DIPK1A: variants seen among roughly 807,000 people sequenced by gnomAD.
DIPK1A encodes family with sequence similarity 69 member A.
In DIPK1A, 27 loss-of-function variants were observed where a neutral mutation model predicts 40.8. The ratio of observed to expected loss-of-function variants is 0.66; its 90% CI spans 0.49 to 0.91. The LOEUF (loss-of-function observed/expected upper bound fraction) is 0.91, where lower values mean the gene tolerates loss of function less well. DIPK1A is among the 40% of genes least tolerant of loss of function. The pLI, the probability that DIPK1A is intolerant of heterozygous loss-of-function variation, is 0.00. For missense variants in DIPK1A, 412 were observed against 505.7 expected, an observed-to-expected ratio of 0.81 and a Z score of 1.78; for synonymous variants, 166 against 171.3, an observed-to-expected ratio of 0.97 and a Z score of 0.24.
At chr1:92,872,299 C>A (rs918664637) in intron 2 of DIPK1A, among the ~76,000 whole-genome samples, 3 of 151,848 alleles carry the variant, frequency 2.0e-5, no homozygotes, top group African/African-American at 7.3e-5. Flanking sequence ...CCAGGCTGGT[C>A]TCAAACTCCT....
chr1:92,861,893 C>T (rs148261520), intron 2 of DIPK1A, among the ~76,000 whole-genome samples: 1 of 152,250 alleles, frequency 6.6e-6, no homozygotes, highest in African/African-American at 2.4e-5. Flanking sequence ...GATCCTCCCA[C>T]CTCGGCCTCC....
intron 2 of DIPK1A, among the ~76,000 whole-genome samples, chr1:92,862,567 C>T (rs760761951): frequency 3.9e-5 from 6 of 152,176 alleles, no homozygotes; most frequent in Non-Finnish European, 7.3e-5. Flanking sequence ...ATTACAACTG[C>T]CATAAAACAG....
At position 92,922,257 on chromosome 1, in the gene DIPK1A, T is replaced by C. The variant is rs546363315; in HGVS notation, c.54+39119A>G. 6.6e-5 allele frequency among the ~76,000 whole-genome samples: 10 copies of C among 152,138 alleles called. No homozygotes were observed. In the East Asian group the frequency reaches 1.9e-3, roughly 29 times the overall value. On this transcript the variant is annotated intron_variant, in intron 1 of 4. Coordinates refer to ENST00000370310, the MANE Select transcript of DIPK1A (RefSeq NM_001006605.5). Reference sequence around the variant, plus strand: ...ATTTCAAAAGTAGAAGATTTGAAAATCACAACTTAGTAGTCATTTAATTTT... The same window carrying C: ...ATTTCAAAAGTAGAAGATTTGAAAACCACAACTTAGTAGTCATTTAATTTT...
At chr1:92,900,341 A>G (rs1557476694) in intron 1 of DIPK1A, among the ~76,000 whole-genome samples, 2 of 152,042 alleles carry the variant, frequency 1.3e-5, no homozygotes, top group Non-Finnish European at 2.9e-5. Context: ...GGTAATTTCA[A>G]ATGATCTGCC....
At chr1:92,867,609 G>A (rs1017677889) in intron 2 of DIPK1A, among the ~76,000 whole-genome samples, 7 of 152,110 alleles carry the variant, frequency 4.6e-5, no homozygotes, top group Admixed American at 1.3e-4. Context: ...AGGTTCAAGC[G>A]ATTCTCCTGC....
intron 1 of DIPK1A, among the ~76,000 whole-genome samples, chr1:92,959,504 T>C (rs1296359897): frequency 2.1e-5 from 3 of 144,988 alleles, no homozygotes; most frequent in African/African-American, 7.6e-5. Context: ...CAGGCTGGAA[T>C]GCAGTGGCAC....
intron 1 of DIPK1A, among the ~76,000 whole-genome samples, chr1:92,891,581 G>A (rs1648881922): frequency 6.6e-6 from 1 of 152,140 alleles, no homozygotes; most frequent in Non-Finnish European, 1.5e-5. Context: ...CCCAGCATGA[G>A]CGATGCAGAA....
intron 2 of DIPK1A, among the ~76,000 whole-genome samples, chr1:92,870,736 T>C (rs772646465): frequency 1.9e-4 from 29 of 152,154 alleles, no homozygotes; most frequent in Non-Finnish European, 4.1e-4. Context: ...CTCAGCTGAG[T>C]CCTTTAGGAC....
Position 92,832,888 on chromosome 1 carries a change from G to A in DIPK1A, c.*132C>T, listed in dbSNP as rs1179455251. 1.9e-5 allele frequency: 12 copies of A among 645,760 alleles called. No homozygotes were observed. In the Admixed American group the frequency reaches 2.3e-4, roughly 12 times the overall value. 40.0% of individuals were successfully genotyped at this position (645,760 alleles called of 1,614,324 possible). ...TTAGGCTTTTGAAAAACATAACATGGGAAGCGAGAGAGGTACGTAGTTGTT... is the reference window on the plus strand; with the variant it reads ...TTAGGCTTTTGAAAAACATAACATGAGAAGCGAGAGAGGTACGTAGTTGTT... On this transcript the variant is annotated 3_prime_UTR_variant, in exon 5 of 5. Coordinates refer to the DIPK1A transcript ENST00000615519.
At chr1:92,959,190 G>A (rs1436603180) in intron 1 of DIPK1A, among the ~76,000 whole-genome samples, 1 of 152,108 alleles carries the variant, frequency 6.6e-6, no homozygotes, top group Non-Finnish European at 1.5e-5. Context: ...GGAGGCTGAG[G>A]TGAAAGGATT....
intron 2 of DIPK1A, among the ~76,000 whole-genome samples, chr1:92,868,965 T>TAAAAAA (rs33962424): frequency 5.1e-5 from 7 of 136,668 alleles, no homozygotes; most frequent in South Asian, 2.4e-4. Context: ...GACTCAATCT[T>TAAAAAA]AAAAAAAAAA....
intron 1 of DIPK1A, among the ~76,000 whole-genome samples, chr1:92,908,737 G>C (rs1470522605): frequency 1.3e-5 from 2 of 152,174 alleles, no homozygotes; most frequent in East Asian, 3.9e-4. Flanking sequence ...GTGAGGTGTT[G>C]ACAGCTAAAT....
chr1:92,835,368 CT>C (rs1687076633), intron 4 of DIPK1A: 1 of 230,656 alleles, frequency 4.3e-6, no homozygotes, highest in African/African-American at 2.3e-5. Context: ...ACTGGAGAAT[CT>C]TGGCTAGGCG....
intron 2 of DIPK1A, among the ~76,000 whole-genome samples, chr1:92,859,661 AT>A (rs1425943645): frequency 6.6e-6 from 1 of 152,086 alleles, no homozygotes; most frequent in Non-Finnish European, 1.5e-5. Flanking sequence ...AGATTGGTCA[AT>A]TTCTGAGACT....
At chr1:92,918,586 C>T (rs1338945242) in intron 1 of DIPK1A, among the ~76,000 whole-genome samples, 1 of 152,172 alleles carries the variant, frequency 6.6e-6, no homozygotes, top group Non-Finnish European at 1.5e-5. Context: ...CAGGTTGTCT[C>T]TTTCTAATTA....
chr1:92,880,679 C>T (rs1199397561), intron 1 of DIPK1A, among the ~76,000 whole-genome samples: 2 of 151,168 alleles, frequency 1.3e-5, no homozygotes, highest in African/African-American at 4.9e-5. Flanking sequence ...CCATCCTGGC[C>T]AATATGCTGA....
At chr1:92,955,001 G>A (rs777003221) in intron 1 of DIPK1A, among the ~76,000 whole-genome samples, 5 of 152,096 alleles carry the variant, frequency 3.3e-5, no homozygotes, top group African/African-American at 4.8e-5. Context: ...ATTATTCAGC[G>A]TTAAAAAGAA....
At chr1:92,836,029 A>G (rs1184317123) in intron 4 of DIPK1A, among the ~76,000 whole-genome samples, 3 of 152,198 alleles carry the variant, frequency 2.0e-5, no homozygotes, top group Non-Finnish European at 4.4e-5. Flanking sequence ...TTTAAATAGC[A>G]TTTAAAAATT....
chr1:92,905,731 T>G (rs572218591), intron 1 of DIPK1A, among the ~76,000 whole-genome samples: 1 of 152,164 alleles, frequency 6.6e-6, no homozygotes, highest in African/African-American at 2.4e-5. Flanking sequence ...CCCAGTGTTT[T>G]CTGGTAGTAG....
Sources: gnomAD v4.1 joint callset for allele counts (sites outside exome capture counted in the v4.1 genomes callset) on GRCh38, gnomAD v4.1.1 for gene constraint, MANE v1.5 for transcripts, NCBI Gene and HGNC (gene_info 2026-07-23, HGNC 2026-07-21) for gene names.